TAF1: variants seen among roughly 807,000 people sequenced by gnomAD.
TAF1 encodes the protein TATA-box binding protein associated factor 1.
TAF1 carries 2 observed loss-of-function variants against 138.5 expected under a neutral mutation model. That is an observed-to-expected ratio of 0.01 (90% CI 0.01 to 0.05). The LOEUF is 0.05. Among genes scored for constraint, TAF1 ranks in the 10% least tolerant of loss-of-function variants. The pLI is 1.00. For synonymous variants in TAF1, 437 were observed against 503.2 expected (o/e 0.87, Z 1.76); for missense variants, 709 against 1,478.0 (o/e 0.48, Z 8.53).
chrX:71,491,333 G>A (rs1274590671), intron 13 of TAF1, among the ~76,000 whole-genome samples: 1 of 109,812 alleles, frequency 9.1e-6, no homozygotes, highest in Non-Finnish European at 1.9e-5. Context: ...CTGAGCAGGG[G>A]TTCCAGTGGT....
At chrX:71,523,367 ATGT>A (rs1185967377) in intron 13 of TAF1, among the ~76,000 whole-genome samples, 1 of 110,765 alleles carries the variant, frequency 9.0e-6, no homozygotes, top group Non-Finnish European at 1.9e-5. Context: ...CTTTCACATA[ATGT>A]TGTGCTACCT....
intron 1 of TAF1, among the ~76,000 whole-genome samples, chrX:71,366,756 C>T (rs1342395189): frequency 9.0e-6 from 1 of 111,292 alleles, no homozygotes; most frequent in Non-Finnish European, 1.9e-5. Context: ...CTCTGCCGAC[C>T]AGACAGTAGG....
chrX:71,369,210 T>G (rs180926551), intron 3 of TAF1, among the ~76,000 whole-genome samples: 1 of 111,195 alleles, frequency 9.0e-6, no homozygotes, highest in African/African-American at 3.3e-5. Context: ...TTGGCCAGAT[T>G]GGTTTCGAAC....
intron 32 of TAF1, among the ~76,000 whole-genome samples, chrX:71,433,796 T>C (rs1020528779): frequency 6.4e-5 from 7 of 108,890 alleles, no homozygotes; most frequent in African/African-American, 2.3e-4. Flanking sequence ...AAGTAAATAA[T>C]GTCTGGGTAG....
At chrX:71,431,003 ATTTTTTTTTTTTTTTT>A (rs41481947) in intron 32 of TAF1, among the ~76,000 whole-genome samples, 1 of 68,601 alleles carries the variant, frequency 1.5e-5, no homozygotes, top group South Asian at 6.4e-4. Flanking sequence ...GCTCAGAAGA[ATTTTTTTTTTTTTTTT>A]TTTTTTTTTT....
At chrX:71,389,063 T>C (rs2034411049) in intron 17 of TAF1, among the ~76,000 whole-genome samples, 195 bp downstream of exon 17, 1 of 111,957 alleles carries the variant, frequency 8.9e-6, no homozygotes, top group Non-Finnish European at 1.9e-5. Context: ...AGAAAAACTA[T>C]AGTGTAGCTA....
At chrX:71,382,299 G>GTACTAGAT (rs2033941158) in intron 9 of TAF1, among the ~76,000 whole-genome samples, 2 of 109,453 alleles carry the variant, frequency 1.8e-5, no homozygotes, top group Admixed American at 2.0e-4. Flanking sequence ...TGTCAAGCGT[G>GTACTAGAT]TAGTTCACTT....
chrX:71,449,973 A>G (rs1323666257), intron 32 of TAF1, among the ~76,000 whole-genome samples: 1 of 111,013 alleles, frequency 9.0e-6, no homozygotes, highest in Non-Finnish European at 1.9e-5. Context: ...GAGTTTCGCC[A>G]TATTGCCCAG....
intron 13 of TAF1, chrX:71,492,816 G>A (rs111690058): frequency 8.8e-6 from 1 of 113,868 alleles, no homozygotes; most frequent in South Asian, 3.5e-4. Flanking sequence ...ATGTGCGGCC[G>A]CACCCTCCGG....
At chrX:71,428,577 A>G (rs368493307) in intron 32 of TAF1, among the ~76,000 whole-genome samples, 1 of 112,225 alleles carries the variant, frequency 8.9e-6, no homozygotes, top group East Asian at 2.8e-4. Flanking sequence ...GCATGTAAGT[A>G]CTTACCATGT....
At chrX:71,409,022 A>C (rs947163461) in intron 28 of TAF1, among the ~76,000 whole-genome samples, 1 of 110,368 alleles carries the variant, frequency 9.1e-6, no homozygotes, top group African/African-American at 3.3e-5. Flanking sequence ...TCAAAAAAAA[A>C]AAAAAAAGAG....
intron 13 of TAF1, among the ~76,000 whole-genome samples, chrX:71,517,201 G>T (rs189893310): frequency 1.9e-4 from 21 of 111,467 alleles, no homozygotes; most frequent in African/African-American, 5.9e-4. Context: ...GGTAGTGGAG[G>T]GGGGAGGAAA....
intron 32 of TAF1, among the ~76,000 whole-genome samples, chrX:71,426,445 G>A (rs941991582): frequency 3.3e-4 from 37 of 111,989 alleles, no homozygotes; most frequent in Non-Finnish European, 6.0e-4. Context: ...GCTGGGTGTG[G>A]TGGCTCACGC....
intron 12 of TAF1, among the ~76,000 whole-genome samples, chrX:71,383,699 G>C (rs188776362): frequency 2.7e-5 from 3 of 112,111 alleles, no homozygotes; most frequent in Admixed American, 9.5e-5. Flanking sequence ...AGAAAAGTCT[G>C]TACCTGTTCA....
At chrX:71,479,385 A>G (rs1330897661) in intron 13 of TAF1, among the ~76,000 whole-genome samples, 2 of 111,700 alleles carry the variant, frequency 1.8e-5, no homozygotes, top group Non-Finnish European at 3.8e-5. Flanking sequence ...CAGCCTGGGC[A>G]ATATGGCAAA....
intron 13 of TAF1, among the ~76,000 whole-genome samples, chrX:71,471,346 T>TACAC (rs1189459686): frequency 0.012 from 1,149 of 95,647 alleles, 23 homozygotes; most frequent in African/African-American, 0.041. Context: ...TATATATATA[T>TACAC]ACACACACAC....
intron 13 of TAF1, among the ~76,000 whole-genome samples, chrX:71,490,157 A>T (rs2039248411): frequency 8.9e-6 from 1 of 112,382 alleles, no homozygotes; most frequent in Non-Finnish European, 1.9e-5. Context: ...CAGAGCATTC[A>T]GTTTGCTTGC....
chrX:71,398,199 G>A (rs2034961147), intron 23 of TAF1, among the ~76,000 whole-genome samples: 1 of 111,087 alleles, frequency 9.0e-6, no homozygotes, highest in African/African-American at 3.3e-5. Flanking sequence ...TTAGCTGGGT[G>A]TGGTGGCATG....
chrX:71,478,366 A>G (rs1456189355), intron 13 of TAF1, among the ~76,000 whole-genome samples: 1 of 110,618 alleles, frequency 9.0e-6, no homozygotes, highest in Non-Finnish European at 1.9e-5. Context: ...AAAAAAGAAT[A>G]ACTATCCTGG....
Sources: allele counts gnomAD v4.1 joint callset (sites outside exome capture counted in the v4.1 genomes callset), GRCh38; gene constraint gnomAD v4.1.1; transcripts MANE v1.5; gene names NCBI Gene and HGNC (gene_info 2026-07-23, HGNC 2026-07-21).